The following BTAF1 variants were observed in gnomAD, a reference collection of about 807,000 sequenced individuals.
The protein encoded by BTAF1 is TATA-binding protein-associated factor 172.
Under a neutral mutation model 227.1 loss-of-function variants are expected in BTAF1, and 38 were observed. That is an observed-to-expected ratio of 0.17 (90% CI 0.13 to 0.22). The LOEUF (loss-of-function observed/expected upper bound fraction) is 0.22. BTAF1 is among the 10% of genes least tolerant of loss of function. The probability of loss-of-function intolerance (pLI) is 1.00; values close to 1 mark genes in which losing one functional copy is unlikely to be tolerated. For missense variants in BTAF1, 1,598 were observed against 2,204.0 expected, an observed-to-expected ratio of 0.73 and a Z score of 5.51; for synonymous variants, 742 against 751.9, an observed-to-expected ratio of 0.99 and a Z score of 0.21.
intron 3 of BTAF1, among the ~76,000 whole-genome samples, chr10:91,941,569 T>C (rs1845000916): frequency 6.6e-6 from 1 of 152,236 alleles, no homozygotes. Flanking sequence ...GAGATTCTTA[T>C]TTGCCCAGAG....
Position 91,993,718 on chromosome 10 carries a change from C to T in BTAF1, c.3070C>T (p.Arg1024Trp), listed in dbSNP as rs1449848836. The T allele has an allele frequency of 2.5e-6, 4 of 1,577,298 alleles. No individual in the cohort carries two copies. Among genetic ancestry groups the T allele is most frequent in the Non-Finnish European group, 3.5e-6 (4 of 1,157,954 alleles). ...DEAQKPYLVQ[R>W]RGAEFALTTI... ...GGCCCAGAAGCCTTACCTGGTACAA[C>T]GGAGAGGAGCTGAATTTGCTTTGAC... The change falls in exon 22 of 38, where the codon CGG becomes TGG. Residue 1024 changes from arginine to tryptophan, a missense_variant. By Grantham distance (101) the Arg-to-Trp change is moderately radical. This residue lies in a region of BTAF1 where 425 missense variants were observed against 491.2 expected (regional missense o/e 0.87). Coordinates refer to ENST00000265990, the MANE Select transcript of BTAF1 (RefSeq NM_003972.3).
intron 20 of BTAF1, among the ~76,000 whole-genome samples, chr10:91,990,878 G>A (rs1848683883): frequency 6.6e-6 from 1 of 152,022 alleles, no homozygotes; most frequent in South Asian, 2.1e-4. Flanking sequence ...AGGTCGAGGT[G>A]AGCAGATAAC....
chr10:91,964,763 A>G (rs1846766620), intron 13 of BTAF1, among the ~76,000 whole-genome samples: 1 of 152,184 alleles, frequency 6.6e-6, no homozygotes, highest in African/African-American at 2.4e-5. Context: ...TCCTGTCCTG[A>G]TATATGAATC....
Position 92,024,699 on chromosome 10 carries a change from A to G in BTAF1, c.4864-57A>G, listed in dbSNP as rs1203285746. On this transcript the variant is annotated intron_variant, in intron 34 of 37. Transcript: ENST00000265990. The stretch of plus-strand genomic sequence containing the variant: ...CCACAGAGAGGAATGTCACAGTGAG[A>G]TTAGTTTTCTGCTTTTATTGAACGC... 2.2e-6 allele frequency: 3 copies of G among 1,383,130 alleles called. No individual in the cohort carries two copies. The Admixed American group carries it at 6.2e-5, about 28-fold the overall frequency. The allele number at this position is 1,383,130 out of a possible 1,614,324, so 85.7% of individuals were successfully genotyped here.
intron 1 of BTAF1, among the ~76,000 whole-genome samples, chr10:91,925,516 C>CTTTTTTTTTTTT (rs6144026): frequency 0.044 from 5,053 of 113,836 alleles, 615 homozygotes; most frequent in Non-Finnish European, 0.07. Flanking sequence ...ACGCTAATCT[C>CTTTTTTTTTTTT]TTTTTTTTTT....
chr10:91,988,331 A>G (rs1202622664), intron 19 of BTAF1, among the ~76,000 whole-genome samples: 3 of 152,210 alleles, frequency 2.0e-5, no homozygotes, highest in African/African-American at 4.8e-5. Flanking sequence ...GTCTACAGTC[A>G]TTGAAAAGTG....
At chr10:92,021,642 C>T (rs1166553670) in intron 34 of BTAF1, among the ~76,000 whole-genome samples, 2 of 151,672 alleles carry the variant, frequency 1.3e-5, no homozygotes, top group African/African-American at 4.8e-5. Context: ...CCTGGGTTCA[C>T]GCCATTCTCT....
chr10:91,960,023 G>A lies in BTAF1; in HGVS notation c.1132G>A (p.Val378Ile), dbSNP rs1365883437. The A allele has an allele frequency of 1.9e-6, 3 of 1,613,228 alleles. No homozygotes were observed. The highest frequency in any genetic ancestry group is 1.7e-6 in the Non-Finnish European group (2 of 1,179,570). Residue 378 changes from valine to isoleucine, a missense_variant, in exon 11 of 38, where the codon GTT becomes ATT. Physicochemically the swap from Val to Ile is conservative, Grantham distance 29. This residue lies in a region of BTAF1 where 52 missense variants were observed against 72.4 expected (regional missense o/e 0.72). Coordinates refer to ENST00000265990, the MANE Select transcript of BTAF1 (RefSeq NM_003972.3). ...AACTTGTGCTCAAACATTAGGTGTG[G>A]TTTTAAAACACATGAACGAAACAGG... ...RETCAQTLGVVLKHMNETGVH... is the reference protein window; with the variant it reads ...RETCAQTLGVILKHMNETGVH...
In BTAF1 at chr10:91,981,677, A is replaced by G. The variant is rs1389558748; in HGVS notation, c.1790A>G (p.Gln597Arg). The change falls in exon 16 of 38, where the codon CAG becomes CGG. Residue 597 changes from glutamine to arginine, a missense_variant. Gln to Arg is a conservative substitution (Grantham distance 43). Transcript: ENST00000265990. ...GAACTGTTGAGTAAGGCTTCAGTTC[A>G]GTATGTGGTAGCAGCTGCTTGCCCA... ...WMELLSKASV[Q>R]YVVAAACPWM... 1.2e-6 allele frequency: 2 copies of G among 1,613,468 alleles called. No individual in the cohort carries two copies. The highest frequency in any genetic ancestry group is 2.2e-5 in the East Asian group (1 of 44,856).
chr10:91,994,190 C>T (rs1423215358), intron 22 of BTAF1, among the ~76,000 whole-genome samples: 1 of 151,994 alleles, frequency 6.6e-6, no homozygotes, highest in Non-Finnish European at 1.5e-5. Flanking sequence ...GTCCCAGCTA[C>T]TCTGGAGGCT....
intron 1 of BTAF1, among the ~76,000 whole-genome samples, chr10:91,932,171 C>G (rs187304850): frequency 2.3e-4 from 35 of 152,240 alleles, no homozygotes; most frequent in Non-Finnish European, 4.3e-4. Context: ...CTAAGTGAAG[C>G]TGGGTAGCAG....
intron 22 of BTAF1, among the ~76,000 whole-genome samples, chr10:91,994,049 C>T (rs1473393698): frequency 6.6e-6 from 1 of 152,188 alleles, no homozygotes; most frequent in Non-Finnish European, 1.5e-5. Flanking sequence ...CATGGTGGCT[C>T]ATGCCTGTAA....
intron 14 of BTAF1, among the ~76,000 whole-genome samples, chr10:91,978,243 A>G (rs1000618017): frequency 1.3e-5 from 2 of 152,206 alleles, no homozygotes; most frequent in African/African-American, 2.4e-5. Flanking sequence ...GCCTGAGAAG[A>G]CAACTACAGT....
chr10:92,001,477 A>G (rs1034294994), intron 25 of BTAF1, among the ~76,000 whole-genome samples: 1 of 152,170 alleles, frequency 6.6e-6, no homozygotes, highest in African/African-American at 2.4e-5. Flanking sequence ...AAGACCTTCT[A>G]CCATACTGAG....
chr10:92,028,297 T>C (rs1042292552), intron 37 of BTAF1, among the ~76,000 whole-genome samples: 1 of 152,216 alleles, frequency 6.6e-6, no homozygotes, highest in African/African-American at 2.4e-5. Context: ...AGGCACTATT[T>C]AGACAATTGG....
rs1192186679 is a variant in BTAF1, at chr10:92,031,060, A to G, written c.*2127A>G. On this transcript the variant is annotated 3_prime_UTR_variant, in exon 38 of 38. Coordinates refer to ENST00000265990, the MANE Select transcript of BTAF1 (RefSeq NM_003972.3). ...GTGTGGGAAGTCAAACAAGCATGAT[A>G]GAATGTTAACTATTTTAAACTGGGA... Among the ~76,000 whole-genome samples the G allele has an allele frequency of 6.6e-6, 1 of 152,212 alleles. No individual in the cohort carries two copies. The highest frequency in any genetic ancestry group is 1.5e-5 in the Non-Finnish European group (1 of 68,024).
At chr10:92,009,922 T>G (rs2134110117) in intron 28 of BTAF1, among the ~76,000 whole-genome samples, 1 of 152,358 alleles carries the variant, frequency 6.6e-6, no homozygotes, top group South Asian at 2.1e-4. Context: ...AGTTGCAGAT[T>G]AGTCCATAGA....
chr10:91,983,047 G>A (rs188802248), intron 18 of BTAF1, among the ~76,000 whole-genome samples: 166 of 152,222 alleles, frequency 1.1e-3, no homozygotes, highest in African/African-American at 3.7e-3. Context: ...TAAAAACCGC[G>A]TATATGTGAA....
intron 14 of BTAF1, among the ~76,000 whole-genome samples, chr10:91,969,681 G>T (rs1215758157): frequency 6.6e-6 from 1 of 151,798 alleles, no homozygotes; most frequent in Non-Finnish European, 1.5e-5. Flanking sequence ...AATCCCCGTC[G>T]GGCCCAGCGT....
Sources: gnomAD v4.1 joint callset for allele counts (sites outside exome capture counted in the v4.1 genomes callset) on GRCh38, gnomAD v4.1.1 for gene constraint, gnomAD v4.1.1 regional missense constraint, MANE v1.5 for transcripts, NCBI Gene and HGNC (gene_info 2026-07-23, HGNC 2026-07-21) for gene names.